Variants in SORBS2 observed in about 807,000 individuals in gnomAD.
SORBS2 encodes the protein sorbin and SH3 domain containing 2.
SORBS2 carries 46 observed loss-of-function variants against 97.7 expected under a neutral mutation model. The observed-to-expected ratio is 0.47, with a 90% CI of 0.37 to 0.60. SORBS2 has a LOEUF of 0.60. Ranked by LOEUF, SORBS2 falls within the 20% of genes least tolerant of loss-of-function variation. The pLI is 0.00. For synonymous variants in SORBS2, 476 were observed against 473.4 expected (o/e 1.01, Z -0.07); for missense variants, 1,316 against 1,282.3 (o/e 1.03, Z -0.40).
intron 1 of SORBS2, among the ~76,000 whole-genome samples, chr4:185,888,963 G>C (rs1033885920): frequency 6.6e-6 from 1 of 152,254 alleles, no homozygotes; most frequent in African/African-American, 2.4e-5. Context: ...GTGCATAGCT[G>C]TATCTCTTTC....
At position 185,717,800 on chromosome 4, in the gene SORBS2, C is replaced by A. The variant is rs139516477; in HGVS notation, c.-197-38978G>T. Reference sequence around the variant, plus strand: ...TCAGGTAGGGCTTAAAAGTCACAATCTGGGTTTACAACACAACTCTTCTGC... The same window carrying A: ...TCAGGTAGGGCTTAAAAGTCACAATATGGGTTTACAACACAACTCTTCTGC... On this transcript the variant is annotated intron_variant, in intron 2 of 20. Coordinates refer to the SORBS2 transcript ENST00000284776. Among the ~76,000 whole-genome samples, 355 of 152,334 alleles carry A rather than the reference C, an allele frequency of 2.3e-3. 1 individual carries two copies. The highest frequency in any genetic ancestry group is 4.0e-3 in the Non-Finnish European group (273 of 68,034).
chr4:185,602,255 A>G (rs1321265815), intron 12 of SORBS2, among the ~76,000 whole-genome samples: 1 of 152,042 alleles, frequency 6.6e-6, no homozygotes, highest in Non-Finnish European at 1.5e-5. Context: ...TGATCCACCC[A>G]CCTTGGCCTC....
At position 185,676,817 on chromosome 4, in the gene SORBS2, A is replaced by G. The variant is rs144179824; in HGVS notation, c.-46+1606T>C. Among the ~76,000 whole-genome samples the G allele has an allele frequency of 4.0e-4, 61 of 152,326 alleles. No homozygotes were observed. The East Asian group carries it at 6.8e-3, about 17-fold the overall frequency. ...TATATGCATATTTACATTTAAAAAT[A>G]CCTAGACATTTGCTGATGAATTTAG... On this transcript the variant is annotated intron_variant, in intron 4 of 20. Coordinates refer to the SORBS2 transcript ENST00000284776.
At chr4:185,922,559 G>GT (rs1266542330) in intron 1 of SORBS2, among the ~76,000 whole-genome samples, 1 of 152,158 alleles carries the variant, frequency 6.6e-6, no homozygotes, top group Non-Finnish European at 1.5e-5. Flanking sequence ...CATAACCTAT[G>GT]TTTTTTATTG....
chr4:185,683,957 T>C (rs1303952220), intron 2 of SORBS2, among the ~76,000 whole-genome samples: 2 of 152,166 alleles, frequency 1.3e-5, no homozygotes, highest in East Asian at 1.9e-4. Context: ...GTAAGACCCA[T>C]TAATCTTATA....
chr4:185,716,392 C>T (rs2098465384), intron 2 of SORBS2, among the ~76,000 whole-genome samples: 1 of 152,210 alleles, frequency 6.6e-6, no homozygotes, highest in African/African-American at 2.4e-5. Flanking sequence ...CTGAAGGACC[C>T]AGTGGATGCG....
At chr4:185,675,201 C>T (rs1283623481) in intron 4 of SORBS2, 2 of 152,252 alleles carry the variant, frequency 1.3e-5, no homozygotes, top group Non-Finnish European at 2.9e-5. Flanking sequence ...TGTTTTCAAA[C>T]ATCACAAAAC....
intron 1 of SORBS2, among the ~76,000 whole-genome samples, chr4:185,881,688 AG>A (rs2099236962): frequency 6.6e-6 from 1 of 152,166 alleles, no homozygotes; most frequent in Non-Finnish European, 1.5e-5. Flanking sequence ...CAGTGGTGAG[AG>A]AATGGGTGTG....
intron 6 of SORBS2, among the ~76,000 whole-genome samples, chr4:185,626,046 G>T (rs891266113): frequency 1.3e-5 from 2 of 152,198 alleles, no homozygotes; most frequent in African/African-American, 4.8e-5. Flanking sequence ...TCCCTGTAGG[G>T]GCTGGTTCAA....
chr4:185,856,848 G>A (rs2099220781), intron 1 of SORBS2, among the ~76,000 whole-genome samples: 1 of 152,166 alleles, frequency 6.6e-6, no homozygotes, highest in African/African-American at 2.4e-5. Flanking sequence ...GAGAAGCAAG[G>A]CACATCTCAC....
intron 3 of SORBS2, 69 bp downstream of exon 6, chr4:185,678,727 T>C (rs1378846704): frequency 3.4e-6 from 4 of 1,190,414 alleles, no homozygotes; most frequent in Non-Finnish European, 4.7e-6. Context: ...AAGTCAGCGA[T>C]GTGGCTATGA....
intron 2 of SORBS2, among the ~76,000 whole-genome samples, chr4:185,688,540 AAGTC>A (rs1390034991): frequency 2.6e-5 from 4 of 152,070 alleles, no homozygotes; most frequent in African/African-American, 9.7e-5. Context: ...ATAGACAAAA[AAGTC>A]AGAAGAGCTA....
intron 2 of SORBS2, among the ~76,000 whole-genome samples, chr4:185,761,908 A>G (rs1334196596): frequency 2.6e-5 from 4 of 152,242 alleles, no homozygotes; most frequent in African/African-American, 9.6e-5. Context: ...CCTGATCCTC[A>G]AAACCTCAAC....
chr4:185,843,577 AG>A lies in SORBS2; in HGVS notation c.-337-68212del, dbSNP rs2099212876. On this transcript the variant is annotated intron_variant, in intron 1 of 20. Transcript: ENST00000284776. The stretch of plus-strand genomic sequence containing the variant: ...AAACAATAGAAAATGAAGATTAATA[AG>A]CAATACCATTTGCAGTAGCACTGAA... Among the ~76,000 whole-genome samples, 2 of 152,224 alleles carry A rather than the reference AG, an allele frequency of 1.3e-5. 1 individual carries two copies. The highest frequency in any genetic ancestry group is 4.1e-4 in the South Asian group (2 of 4,834).
chr4:185,604,463 G>A (rs1407060333), intron 12 of SORBS2, among the ~76,000 whole-genome samples: 1 of 152,194 alleles, frequency 6.6e-6, no homozygotes, highest in Non-Finnish European at 1.5e-5. Flanking sequence ...GAATGAAATG[G>A]AGGGGAGGAA....
chr4:185,672,480 T>C (rs1043216789), intron 4 of SORBS2, among the ~76,000 whole-genome samples: 3 of 152,168 alleles, frequency 2.0e-5, no homozygotes, highest in Admixed American at 2.0e-4. Flanking sequence ...TTGAGAACAA[T>C]GTGACATTTT....
chr4:185,620,760 C>A (rs527512868), intron 7 of SORBS2, among the ~76,000 whole-genome samples: 84 of 152,276 alleles, frequency 5.5e-4, no homozygotes, highest in African/African-American at 1.7e-3. Flanking sequence ...TATCTACGAC[C>A]TTCCTTTGTG....
chr4:185,597,914 T>C (rs2096152503), intron 12 of SORBS2, among the ~76,000 whole-genome samples: 1 of 152,190 alleles, frequency 6.6e-6, no homozygotes, highest in Non-Finnish European at 1.5e-5. Context: ...GAATAGACAG[T>C]CATCTGTTTT....
At chr4:185,899,530 A>T (rs945815699) in intron 1 of SORBS2, among the ~76,000 whole-genome samples, 11 of 151,886 alleles carry the variant, frequency 7.2e-5, no homozygotes, top group Admixed American at 2.0e-4. Flanking sequence ...GGTTTAAGCG[A>T]TCCTCCCCCC....
Sources: gnomAD v4.1 joint callset for allele counts (sites outside exome capture counted in the v4.1 genomes callset) on GRCh38, gnomAD v4.1.1 for gene constraint, MANE v1.5 for transcripts, NCBI Gene and HGNC (gene_info 2026-07-23, HGNC 2026-07-21) for gene names.